The following EYA1 variants were observed in gnomAD, a reference collection of about 807,000 sequenced individuals.
EYA1 encodes protein phosphatase EYA1.
Under a neutral mutation model 82.0 loss-of-function variants are expected in EYA1, and 16 were observed. The ratio of observed to expected loss-of-function variants is 0.20; its 90% CI spans 0.13 to 0.30. The LOEUF (loss-of-function observed/expected upper bound fraction) is 0.30, where lower values mean the gene tolerates loss of function less well. EYA1 is among the 10% of genes least tolerant of loss of function. The probability of loss-of-function intolerance (pLI) is 1.00; values close to 1 mark genes in which losing one functional copy is unlikely to be tolerated. For missense variants in EYA1, 633 were observed against 730.7 expected (o/e 0.87, Z 1.54); for synonymous variants, 261 against 264.4 (o/e 0.99, Z 0.12).
intron 2 of EYA1, among the ~76,000 whole-genome samples, chr8:71,394,875 C>A (rs981357062): frequency 2.8e-4 from 43 of 152,206 alleles, no homozygotes; most frequent in African/African-American, 1.0e-3. Flanking sequence ...CTATAAATTA[C>A]CTTGGGCAGT....
At chr8:71,245,601 ATTC>A (rs544265056) in intron 11 of EYA1, among the ~76,000 whole-genome samples, 36 of 151,880 alleles carry the variant, frequency 2.4e-4, no homozygotes, top group Admixed American at 3.9e-4. Context: ...GCCTCAAACA[ATTC>A]TTCTTCTTCC....
intron 2 of EYA1, among the ~76,000 whole-genome samples, chr8:71,397,709 G>C (rs1829711543): frequency 6.6e-6 from 1 of 152,068 alleles, no homozygotes; most frequent in Non-Finnish European, 1.5e-5. Context: ...TTTCTCTCTG[G>C]CTGCCCTTAA....
At chr8:71,259,550 A>G (rs1814850962) in intron 11 of EYA1, among the ~76,000 whole-genome samples, 1 of 152,246 alleles carries the variant, frequency 6.6e-6, no homozygotes, top group Admixed American at 6.5e-5. Flanking sequence ...GAGGCAAGAA[A>G]AAATGAACAC....
intron 9 of EYA1, 108 bp from the exon 10 acceptor site, chr8:71,272,005 T>C: frequency 7.9e-6 from 9 of 1,145,380 alleles, no homozygotes; most frequent in Non-Finnish European, 1.2e-5. Flanking sequence ...GCACATTTCA[T>C]TCTGCTGAAA....
chr8:71,325,917 G>T (rs1352782956), intron 4 of EYA1, among the ~76,000 whole-genome samples: 6 of 152,126 alleles, frequency 3.9e-5, no homozygotes, highest in African/African-American at 1.4e-4. Flanking sequence ...TTTCTAAACA[G>T]TAACCCAGGA....
At chr8:71,333,263 C>T (rs1824098954) in intron 4 of EYA1, among the ~76,000 whole-genome samples, 2 of 152,114 alleles carry the variant, frequency 1.3e-5, no homozygotes, top group African/African-American at 2.4e-5. Context: ...TGTGTGTTTG[C>T]ATTTCATTTT....
chr8:71,343,399 A>T (rs1182275414), intron 3 of EYA1, among the ~76,000 whole-genome samples: 1 of 152,182 alleles, frequency 6.6e-6, no homozygotes, highest in Non-Finnish European at 1.5e-5. Context: ...TTTAAAAGGT[A>T]ATTGGATCAC....
chr8:71,239,879 T>C lies in EYA1; in HGVS notation c.1140+4724A>G, dbSNP rs918969984. On this transcript the variant is annotated intron_variant, in intron 12 of 17. Transcript: ENST00000340726. Reference sequence around the variant, plus strand: ...TATTTTCCCAACTTGAGAAATCAACTTCTGAATCGGATTAAATATTTCACA... The same window carrying C: ...TATTTTCCCAACTTGAGAAATCAACCTCTGAATCGGATTAAATATTTCACA... Among the ~76,000 whole-genome samples, 2 of 152,220 alleles carry C rather than the reference T, an allele frequency of 1.3e-5. 1 individual carries two copies. Among genetic ancestry groups the C allele is most frequent in the Non-Finnish European group, 2.9e-5 (2 of 68,040 alleles).
At chr8:71,474,981 A>C (rs902354723) in intron 2 of EYA1, among the ~76,000 whole-genome samples, 1 of 152,100 alleles carries the variant, frequency 6.6e-6, no homozygotes. Context: ...AAAATACAAA[A>C]ATTAGCTGGA....
intron 9 of EYA1, among the ~76,000 whole-genome samples, chr8:71,292,268 A>G (rs2128989108): frequency 6.6e-6 from 1 of 152,256 alleles, no homozygotes; most frequent in South Asian, 2.1e-4. Context: ...ATGCTAGTTT[A>G]GATATTAGCA....
intron 9 of EYA1, among the ~76,000 whole-genome samples, chr8:71,272,560 C>A (rs892727714): frequency 1.3e-5 from 2 of 152,156 alleles, no homozygotes; most frequent in Non-Finnish European, 2.9e-5. Flanking sequence ...AATTACTCAT[C>A]TGGGTAACTC....
chr8:71,525,371 A>T (rs1216022194), intron 2 of EYA1, among the ~76,000 whole-genome samples: 4 of 152,196 alleles, frequency 2.6e-5, no homozygotes, highest in Admixed American at 6.5e-5. Context: ...TGAATTTGGG[A>T]GACCACTTAA....
intron 2 of EYA1, among the ~76,000 whole-genome samples, chr8:71,456,708 T>A (rs555062516): frequency 6.6e-6 from 1 of 152,332 alleles, no homozygotes; most frequent in African/African-American, 2.4e-5. Flanking sequence ...GCTAGCCATA[T>A]GTAGGAAGCT....
intron 11 of EYA1, among the ~76,000 whole-genome samples, chr8:71,260,490 C>G (rs1814964182): frequency 6.6e-6 from 1 of 152,140 alleles, no homozygotes; most frequent in African/African-American, 2.4e-5. Context: ...TGAGATGATA[C>G]TCTACACAAA....
At chr8:71,470,213 G>T (rs1042960447) in intron 2 of EYA1, among the ~76,000 whole-genome samples, 3 of 152,014 alleles carry the variant, frequency 2.0e-5, no homozygotes, top group East Asian at 1.9e-4. Flanking sequence ...CTATGCAATT[G>T]CTTTCCAGTA....
chr8:71,322,146 A>G lies in EYA1; in HGVS notation c.272+53T>C, dbSNP rs1822633486. On this transcript the variant is annotated intron_variant, in intron 5 of 17. Transcript: ENST00000340726. ...TGGGCACAGACATGACTTTAAATAA[A>G]TAAAAGTCTACTCAGAGAAGTTATT... The G allele has an allele frequency of 1.4e-5, 20 of 1,438,288 alleles. No homozygotes were observed. In the South Asian group the frequency reaches 2.2e-4, roughly 16 times the overall value. 89.1% of individuals were successfully genotyped at this position (1,438,288 alleles called of 1,614,324 possible). A position where few individuals can be genotyped will look rare whatever the true frequency, so the allele number is the denominator to read the frequency against.
chr8:71,291,545 T>C (rs1186575048), intron 9 of EYA1, among the ~76,000 whole-genome samples: 1 of 152,222 alleles, frequency 6.6e-6, no homozygotes. Flanking sequence ...AAACAAACTT[T>C]TCTACGGCAT....
At chr8:71,514,589 G>T (rs1812829096) in intron 2 of EYA1, among the ~76,000 whole-genome samples, 2 of 152,090 alleles carry the variant, frequency 1.3e-5, no homozygotes, top group Non-Finnish European at 1.5e-5. Flanking sequence ...TTCTTATATG[G>T]CAGTGGCAAG....
chr8:71,393,523 C>T (rs1829401378), intron 2 of EYA1, among the ~76,000 whole-genome samples: 1 of 152,154 alleles, frequency 6.6e-6, no homozygotes, highest in South Asian at 2.1e-4. Context: ...TCAATTCCCA[C>T]CTATGAGTGA....
Sources: gnomAD v4.1 joint callset for allele counts (sites outside exome capture counted in the v4.1 genomes callset) on GRCh38, gnomAD v4.1.1 for gene constraint, MANE v1.5 for transcripts, NCBI Gene and HGNC (gene_info 2026-07-23, HGNC 2026-07-21) for gene names.